The following PCF11 variants were observed in gnomAD, a reference collection of about 807,000 sequenced individuals.
PCF11 encodes pre-mRNA cleavage complex 2 protein Pcf11.
PCF11 carries 19 observed loss-of-function variants against 166.1 expected under a neutral mutation model. The ratio of observed to expected loss-of-function variants is 0.11; its 90% CI spans 0.08 to 0.17. The LOEUF (loss-of-function observed/expected upper bound fraction) is 0.17. Among genes scored for constraint, PCF11 ranks in the 10% least tolerant of loss-of-function variants. PCF11 has a pLI of 1.00. For synonymous variants in PCF11, 663 were observed against 644.1 expected, an observed-to-expected ratio of 1.03 and a Z score of -0.44; for missense variants, 1,565 against 1,855.5, an observed-to-expected ratio of 0.84 and a Z score of 2.88.
chr11:83,166,858 T>C (rs757188641), intron 5 of PCF11, 144 bp downstream of exon 5: 2 of 749,148 alleles, frequency 2.7e-6, no homozygotes, highest in Non-Finnish European at 4.3e-6. Context: ...TTAAATACTA[T>C]TATTATTTCT....
exon 8 of PCF11, chr11:83,168,607 C>T (rs562191613): frequency 1.2e-6 from 2 of 1,613,932 alleles, no homozygotes; most frequent in African/African-American, 1.3e-5. Flanking sequence ...ACCTAGTAGG[C>T]CATCAGTAGC....
exon 8 of PCF11, chr11:83,169,396 G>A: frequency 1.2e-6 from 2 of 1,613,860 alleles, no homozygotes; most frequent in East Asian, 4.5e-5. Flanking sequence ...CCTGAGAATT[G>A]AAGGGCCTCT....
At chr11:83,184,506 ATATTT>A in intron 15 of PCF11, 168 bp from the exon 16 acceptor site, 1 of 596,876 alleles carries the variant, frequency 1.7e-6, no homozygotes, top group South Asian at 2.0e-5. Context: ...CGTGCAATAT[ATATTT>A]TATTTCTGGT....
chr11:83,166,743 T>C, intron 5 of PCF11, 29 bp downstream of exon 5: 1 of 1,528,698 alleles, frequency 6.5e-7, no homozygotes. Context: ...AAGTCAAGTG[T>C]AGTAGTGTAT....
At chr11:83,166,750 G>A in intron 5 of PCF11, 36 bp downstream of exon 5, 1 of 1,503,136 alleles carries the variant, frequency 6.7e-7, no homozygotes, top group Non-Finnish European at 8.9e-7. Context: ...GTGTAGTAGT[G>A]TATATGTTTC....
In PCF11 at chr11:83,167,774, C is replaced by T; in HGVS notation, c.2092+269C>T. 1 of 1,411,804 alleles carries T rather than the reference C, an allele frequency of 7.1e-7. No homozygotes were observed. Among genetic ancestry groups the T allele is most frequent in the Non-Finnish European group, 9.4e-7 (1 of 1,068,848 alleles). 87.5% of individuals were successfully genotyped at this position (1,411,804 alleles called of 1,614,324 possible). On this transcript the variant is annotated intron_variant, in intron 7 of 15. Coordinates refer to ENST00000298281, the Ensembl canonical transcript of PCF11. The surrounding 1 kb of genome is among the most constrained non-coding windows in gnomAD (Gnocchi z 4.2). ...GTAGGAATAGTGGAGCACAGTTTGA[C>T]AGAAAAGAACAATTTAGTGAAAGAG...
rs1462902294 is a variant in PCF11, at chr11:83,167,224, G to C, written c.1917G>C (p.Gln639His). The change falls in exon 6 of 16, where the codon CAG (glutamine) becomes CAC (histidine). Residue 639 changes from glutamine (Q) to histidine (H), a missense_variant. Transcript: ENST00000298281. The surrounding 1 kb of genome is among the most constrained non-coding windows in gnomAD (Gnocchi z 4.2). ...TTTTATCACCTCGAGCCCCAAAGCA[G>C]CAACAGCATCGATTAAGTGTAGATG... 6.2e-7 allele frequency: 1 copy of C among 1,613,726 alleles called. No individual in the cohort carries two copies. Among genetic ancestry groups the C allele is most frequent in the African/African-American group, 1.3e-5 (1 of 75,032 alleles).
At chr11:83,163,821 T>C in exon 3 of PCF11, 1 of 1,583,640 alleles carries the variant, frequency 6.3e-7, no homozygotes, top group Non-Finnish European at 8.6e-7. Context: ...CCCCCCAATG[T>C]GAATACGTCT....
chr11:83,165,877 C>T, exon 5 of PCF11: 1 of 1,605,300 alleles, frequency 6.2e-7, no homozygotes, highest in Non-Finnish European at 8.5e-7. Context: ...CAGTCTGATA[C>T]TAAGACAAGT....
chr11:83,167,342 TTATC>T lies in PCF11; in HGVS notation c.2001+39_2001+42del, dbSNP rs753640900. On this transcript the variant is annotated intron_variant, in intron 6 of 15. Coordinates refer to ENST00000298281, the Ensembl canonical transcript of PCF11. The surrounding 1 kb of genome is among the most constrained non-coding windows in gnomAD (Gnocchi z 4.2). Reference sequence around the variant, plus strand: ...TATGATTAATCCCATGTAGTCATCATTATCTATCGTCTATTTTTTTGGTATTTTT... The same window carrying T: ...TATGATTAATCCCATGTAGTCATCATTATCGTCTATTTTTTTGGTATTTTT... 6.4e-6 allele frequency: 10 copies of T among 1,557,612 alleles called. No individual in the cohort carries two copies. In the Admixed American group the frequency reaches 1.8e-4, roughly 28 times the overall value.
At chr11:83,160,151 A>G (rs1305290268) in intron 1 of PCF11, among the ~76,000 whole-genome samples, 4 of 152,118 alleles carry the variant, frequency 2.6e-5, no homozygotes, top group Admixed American at 2.0e-4. Context: ...AGGTGTTATC[A>G]GAAGCAAGAG....
intron 11 of PCF11, among the ~76,000 whole-genome samples, chr11:83,179,654 A>G (rs1020986412): frequency 5.3e-5 from 8 of 152,154 alleles, no homozygotes; most frequent in African/African-American, 1.9e-4. Context: ...CTGTAATCCC[A>G]GCACTTTGGG....
exon 5 of PCF11, chr11:83,166,420 G>A: frequency 1.2e-6 from 2 of 1,613,960 alleles, no homozygotes; most frequent in Non-Finnish European, 1.7e-6. Flanking sequence ...CGAAGGCAAA[G>A]AAGTATGTCT....
chr11:83,181,740 G>A, intron 12 of PCF11, 114 bp from the exon 13 acceptor site: 1 of 554,608 alleles, frequency 1.8e-6, no homozygotes, highest in Non-Finnish European at 3.0e-6. Flanking sequence ...AATAATATTA[G>A]AGCATAATGT....
chr11:83,163,310 A>T (rs1268038840), intron 2 of PCF11, among the ~76,000 whole-genome samples: 2 of 152,196 alleles, frequency 1.3e-5, no homozygotes, highest in Non-Finnish European at 2.9e-5. Flanking sequence ...CATTTAAGCC[A>T]TCAGGTAATC....
At chr11:83,164,474 A>C in intron 4 of PCF11, 73 bp downstream of exon 4, 3 of 1,086,920 alleles carry the variant, frequency 2.8e-6, no homozygotes, top group Non-Finnish European at 4.0e-6. Context: ...TTATGTTTGA[A>C]TTTTATTAAC....
At chr11:83,161,293 A>G (rs1860243643) in intron 1 of PCF11, 34 bp from the exon 2 acceptor site, 1 of 1,548,468 alleles carries the variant, frequency 6.5e-7, no homozygotes, top group Non-Finnish European at 8.8e-7. Context: ...GTGGTAATTC[A>G]TTATACTAAA....
chr11:83,175,577 C>A (rs1272474625), intron 9 of PCF11, among the ~76,000 whole-genome samples: 1 of 151,996 alleles, frequency 6.6e-6, no homozygotes, highest in Non-Finnish European at 1.5e-5. Flanking sequence ...ACGGTGAAAC[C>A]CCGTCTCTAC....
intron 8 of PCF11, among the ~76,000 whole-genome samples, chr11:83,171,533 T>C (rs1237545321): frequency 6.6e-6 from 1 of 152,182 alleles, no homozygotes; most frequent in Non-Finnish European, 1.5e-5. Context: ...ACAGTTTCCT[T>C]TTTGGGGGGC....
Sources: allele counts gnomAD v4.1 joint callset (sites outside exome capture counted in the v4.1 genomes callset), GRCh38; gene constraint gnomAD v4.1.1; non-coding constraint Gnocchi (gnomAD v3.1); transcripts MANE v1.5; gene names NCBI Gene and HGNC (gene_info 2026-07-23, HGNC 2026-07-21).